The following CLIC5 variants were observed in gnomAD, a reference collection of about 807,000 sequenced individuals.
CLIC5 encodes chloride intracellular channel protein 5.
In CLIC5, 20 loss-of-function variants were observed where a neutral mutation model predicts 24.7. That is an observed-to-expected ratio of 0.81 (90% CI 0.57 to 1.18). The LOEUF is 1.18. CLIC5 is among the 50% of genes most tolerant of loss of function. The pLI is 0.00. For missense variants in CLIC5, 341 were observed against 326.1 expected, an observed-to-expected ratio of 1.05 and a Z score of -0.35; for synonymous variants, 159 against 135.6, an observed-to-expected ratio of 1.17 and a Z score of -1.20.
the CLIC5 span, among the ~76,000 whole-genome samples, chr6:46,098,988 G>T: frequency 1.3e-5 from 2 of 152,324 alleles, no homozygotes; most frequent in Admixed American, 6.5e-5. Flanking sequence ...CTGCGGGGGT[G>T]GGGGTAGAAG....
intron 3 of CLIC5, among the ~76,000 whole-genome samples, chr6:45,942,025 C>G (rs1483657055): frequency 1.3e-5 from 2 of 152,190 alleles, no homozygotes; most frequent in Non-Finnish European, 2.9e-5. Flanking sequence ...GTTCTCAACA[C>G]TTCCCTTACC....
chr6:46,016,795 C>A (rs1218928707), upstream of CLIC5, among the ~76,000 whole-genome samples: 2 of 152,200 alleles, frequency 1.3e-5, no homozygotes, highest in Non-Finnish European at 2.9e-5. Context: ...AACCATTATT[C>A]TGGCTTGTAG....
intron 1 of CLIC5, among the ~76,000 whole-genome samples, chr6:46,038,587 T>A (rs563912606): frequency 7.1e-4 from 108 of 152,346 alleles, no homozygotes; most frequent in African/African-American, 2.5e-3. Flanking sequence ...TTTACTGGCA[T>A]AAAAACCCTA....
At chr6:45,987,408 T>A (rs1394195346) in intron 1 of CLIC5, among the ~76,000 whole-genome samples, 17 of 152,180 alleles carry the variant, frequency 1.1e-4, no homozygotes, top group Admixed American at 1.1e-3. Flanking sequence ...TTCTCTACAG[T>A]GCCTTATAGA....
chr6:45,907,615 T>A (rs1403451048), intron 5 of CLIC5, among the ~76,000 whole-genome samples: 2 of 152,196 alleles, frequency 1.3e-5, no homozygotes, highest in Admixed American at 1.3e-4. Flanking sequence ...TTCTTCTTTT[T>A]ATGTCAGGTA....
rs548913652 is a variant in CLIC5 at position 45,996,653 on chromosome 6, A to G, written c.63+18827T>C. Among the ~76,000 whole-genome samples the G allele has an allele frequency of 5.3e-5, 8 of 152,318 alleles. No homozygotes were observed. The South Asian group carries it at 1.7e-3, about 32-fold the overall frequency. On this transcript the variant is annotated intron_variant, in intron 1 of 5. Transcript: ENST00000339561. Reference sequence around the variant, plus strand: ...ATCTACAATGAACTCAAACAAATTTACAGGAAAAAAACAAACAACCCCATC... The same window carrying G: ...ATCTACAATGAACTCAAACAAATTTGCAGGAAAAAAACAAACAACCCCATC...
At chr6:45,998,345 T>G (rs1348818714) in intron 1 of CLIC5, among the ~76,000 whole-genome samples, 1 of 152,208 alleles carries the variant, frequency 6.6e-6, no homozygotes, top group Non-Finnish European at 1.5e-5. Flanking sequence ...AGCACATGGC[T>G]TGGCAGGAGC....
the CLIC5 span, among the ~76,000 whole-genome samples, chr6:46,102,944 G>A: frequency 1.1e-3 from 172 of 152,240 alleles, 1 homozygote; most frequent in African/African-American, 2.2e-3. Flanking sequence ...TCTCCCTTGC[G>A]GATAAACACA....
chr6:46,095,720 A>G, the CLIC5 span, among the ~76,000 whole-genome samples: 1 of 152,210 alleles, frequency 6.6e-6, no homozygotes, highest in Admixed American at 6.5e-5. Flanking sequence ...CAATTTAACA[A>G]TACTCTAGGA....
At chr6:46,096,397 A>G in the CLIC5 span, among the ~76,000 whole-genome samples, 2 of 152,226 alleles carry the variant, frequency 1.3e-5, no homozygotes, top group Non-Finnish European at 2.9e-5. Flanking sequence ...ACACCGTGCA[A>G]TGCTGGCTAC....
chr6:46,076,272 C>G (rs1348670182), intron 1 of CLIC5, among the ~76,000 whole-genome samples: 1 of 152,330 alleles, frequency 6.6e-6, no homozygotes, highest in African/African-American at 2.4e-5. Flanking sequence ...TACTGCCTCG[C>G]GCCTACTTAC....
At chr6:46,039,653 A>G (rs552979211) in intron 1 of CLIC5, among the ~76,000 whole-genome samples, 3 of 152,312 alleles carry the variant, frequency 2.0e-5, no homozygotes, top group African/African-American at 7.2e-5. Context: ...TGGAATAAAA[A>G]ACAAAAGGGA....
chr6:46,021,898 C>A (rs1253400247), intron 1 of CLIC5, among the ~76,000 whole-genome samples: 1 of 152,126 alleles, frequency 6.6e-6, no homozygotes, highest in African/African-American at 2.4e-5. Flanking sequence ...GAACTACACA[C>A]CAAAAAGGTG....
intron 1 of CLIC5, among the ~76,000 whole-genome samples, chr6:46,060,210 T>A (rs1399937580): frequency 6.6e-6 from 1 of 152,210 alleles, no homozygotes; most frequent in Non-Finnish European, 1.5e-5. Flanking sequence ...AGGGCCCTGC[T>A]GACATGAGTA....
At chr6:46,068,717 T>A (rs1762508769) in intron 1 of CLIC5, among the ~76,000 whole-genome samples, 1 of 152,132 alleles carries the variant, frequency 6.6e-6, no homozygotes, top group East Asian at 1.9e-4. Context: ...ATGACTGGTG[T>A]TCTTATAAGA....
the CLIC5 span, among the ~76,000 whole-genome samples, chr6:46,107,551 G>C: frequency 1.3e-5 from 2 of 152,138 alleles, no homozygotes; most frequent in East Asian, 3.8e-4. Context: ...AATTAAAATT[G>C]CTAGATATAT....
At chr6:46,074,964 C>T (rs1482777280) in intron 1 of CLIC5, among the ~76,000 whole-genome samples, 4 of 152,116 alleles carry the variant, frequency 2.6e-5, no homozygotes, top group African/African-American at 4.8e-5. Flanking sequence ...TTTGAAAAAC[C>T]CAGTAGGATA....
chr6:45,999,673 A>G (rs1404335656), intron 1 of CLIC5, among the ~76,000 whole-genome samples: 2 of 151,878 alleles, frequency 1.3e-5, no homozygotes, highest in Non-Finnish European at 2.9e-5. Context: ...AGGAGGATGA[A>G]GACTTATGAT....
At chr6:46,036,374 G>A (rs1410681948) in intron 1 of CLIC5, among the ~76,000 whole-genome samples, 4 of 146,322 alleles carry the variant, frequency 2.7e-5, no homozygotes, top group East Asian at 2.0e-4. Context: ...CAGTTGGCGC[G>A]GTCTCGGTTC....
Sources: allele counts gnomAD v4.1 joint callset (sites outside exome capture counted in the v4.1 genomes callset), GRCh38; gene constraint gnomAD v4.1.1; transcripts MANE v1.5; gene names NCBI Gene and HGNC (gene_info 2026-07-23, HGNC 2026-07-21).